The following AK7 variants were observed in gnomAD, a reference collection of about 807,000 sequenced individuals.
The protein encoded by AK7 is adenylate kinase 7.
Under a neutral mutation model 96.6 loss-of-function variants are expected in AK7, and 78 were observed. That is an observed-to-expected ratio of 0.81 (90% CI 0.67 to 0.97). The LOEUF is 0.97. Ranked by LOEUF, AK7 falls within the 50% of genes least tolerant of loss-of-function variation. The pLI is 0.00. For missense variants in AK7, 855 were observed against 887.9 expected, an observed-to-expected ratio of 0.96 and a Z score of 0.47; for synonymous variants, 302 against 317.2, an observed-to-expected ratio of 0.95 and a Z score of 0.51.
rs780609457 is a variant in AK7 at position 96,446,489 on chromosome 14, G to C, written c.780-28G>C. On this transcript the variant is annotated intron_variant, in intron 7 of 17. Coordinates refer to ENST00000267584, the MANE Select transcript of AK7 (RefSeq NM_152327.5). ...TGCATCTCTTTCGCTTTTTCCCTTT[G>C]ATGATTATTTTACCTGTGGGTCTGC... 16 of 1,600,226 alleles carry C rather than the reference G, an allele frequency of 1.0e-5. No homozygotes were observed. In the African/African-American group the frequency reaches 1.1e-4, roughly 11 times the overall value.
At chr14:96,400,391 G>T (rs930647307) in intron 2 of AK7, among the ~76,000 whole-genome samples, 1 of 152,134 alleles carries the variant, frequency 6.6e-6, no homozygotes, top group African/African-American at 2.4e-5. Context: ...TAAAGACCTT[G>T]CTATCTCTAT....
intron 4 of AK7, among the ~76,000 whole-genome samples, chr14:96,413,505 G>C (rs1303440558): frequency 6.6e-6 from 1 of 152,140 alleles, no homozygotes; most frequent in Non-Finnish European, 1.5e-5. Context: ...AAGCCACTGC[G>C]CCTGCCGGGC....
chr14:96,467,461 G>A (rs576316903), intron 12 of AK7, among the ~76,000 whole-genome samples: 2 of 151,876 alleles, frequency 1.3e-5, no homozygotes, highest in South Asian at 2.1e-4. Context: ...TCAGCCTCCC[G>A]AGTCGCTGGG....
At chr14:96,402,855 C>T (rs8008113) in intron 2 of AK7, among the ~76,000 whole-genome samples, 19,659 of 151,680 alleles carry the variant, frequency 0.13, 1,400 homozygotes, top group South Asian at 0.27. Context: ...ATCAGCCAGG[C>T]GCAGTAGCTC....
At chr14:96,481,292 G>C (rs1210524989) in intron 15 of AK7, among the ~76,000 whole-genome samples, 1 of 152,026 alleles carries the variant, frequency 6.6e-6, no homozygotes, top group Non-Finnish European at 1.5e-5. Flanking sequence ...GTGATATCAA[G>C]GTTGTAACTA....
intron 5 of AK7, among the ~76,000 whole-genome samples, chr14:96,426,183 A>T (rs942852769): frequency 1.2e-4 from 19 of 152,204 alleles, no homozygotes; most frequent in African/African-American, 4.6e-4. Context: ...CAACCATTGT[A>T]AGTTTTTTAG....
chr14:96,447,081 G>T (rs4905493), intron 8 of AK7, among the ~76,000 whole-genome samples: 1 of 152,160 alleles, frequency 6.6e-6, no homozygotes. Context: ...TATATACTTT[G>T]AGGTTACTAC....
rs553436917 is a variant in AK7 at position 96,428,978 on chromosome 14, T to C, written c.609+8046T>C. Among the ~76,000 whole-genome samples, 3 of 152,302 alleles carry C rather than the reference T, an allele frequency of 2.0e-5. No individual in the cohort carries two copies. In the East Asian group the frequency reaches 5.8e-4, roughly 29 times the overall value. On this transcript the variant is annotated intron_variant, in intron 5 of 17. Coordinates refer to ENST00000267584, the MANE Select transcript of AK7 (RefSeq NM_152327.5). ...AGCTCTTTAGTTTAGTTAGATCCCATTTGTCTATTTTGGCTTCTGTTGCCA... is the reference window on the plus strand; with the variant it reads ...AGCTCTTTAGTTTAGTTAGATCCCACTTGTCTATTTTGGCTTCTGTTGCCA...
Position 96,398,203 on chromosome 14 carries a change from T to C in AK7, c.234T>C (p.Ile78=). 1.9e-6 allele frequency: 3 copies of C among 1,614,012 alleles called. No individual in the cohort carries two copies. Among genetic ancestry groups the C allele is most frequent in the Non-Finnish European group, 2.5e-6 (3 of 1,180,030 alleles). ...STKVKEGTFQ[I]VGTLSKPDSP... is the part of the protein sequence containing the mutation. Reference sequence around the variant, plus strand: ...AAGTGAAGGAAGGCACATTCCAGATTGTGGGCACGCTGTCCAAGCCTGACA... The same window carrying C: ...AAGTGAAGGAAGGCACATTCCAGATCGTGGGCACGCTGTCCAAGCCTGACA... The change falls in exon 2 of 18, where the codon ATT becomes ATC. Residue 78 remains isoleucine (I), a synonymous_variant. Transcript: ENST00000267584.
chr14:96,398,455 A>C (rs1207719966), intron 2 of AK7, 192 bp downstream of exon 2: 1 of 620,608 alleles, frequency 1.6e-6, no homozygotes, highest in Non-Finnish European at 2.8e-6. Context: ...CGGCCAAAGC[A>C]AAGAGTTTAA....
intron 11 of AK7, chr14:96,456,952 G>T: frequency 9.8e-6 from 2 of 203,614 alleles, no homozygotes; most frequent in South Asian, 2.0e-4. Flanking sequence ...TGTGCCTGTG[G>T]ACACCTTTCA....
At chr14:96,463,546 CG>C (rs1466271409) in intron 12 of AK7, among the ~76,000 whole-genome samples, 1 of 151,680 alleles carries the variant, frequency 6.6e-6, no homozygotes, top group Non-Finnish European at 1.5e-5. Context: ...AGTGAAACCC[CG>C]TCTCTACTAA....
chr14:96,439,283 G>C (rs1892820748), intron 6 of AK7, among the ~76,000 whole-genome samples: 1 of 152,074 alleles, frequency 6.6e-6, no homozygotes, highest in Non-Finnish European at 1.5e-5. Context: ...TCCAATATTG[G>C]AGGTTATAGG....
At chr14:96,449,998 A>G in intron 9 of AK7, 119 bp downstream of exon 9, 1 of 769,248 alleles carries the variant, frequency 1.3e-6, no homozygotes, top group Non-Finnish European at 2.1e-6. Context: ...AGGGATTTGG[A>G]GTCAGAAGGC....
At chr14:96,450,768 C>CTTTTTTT (rs937558741) in intron 9 of AK7, among the ~76,000 whole-genome samples, 8 of 93,176 alleles carry the variant, frequency 8.6e-5, no homozygotes, top group Non-Finnish European at 1.2e-4. Context: ...ATATTTTTCT[C>CTTTTTTT]TTTTTTTTTT....
intron 17 of AK7, 116 bp downstream of exon 17, chr14:96,487,172 A>G (rs1222966298): frequency 9.9e-7 from 1 of 1,014,996 alleles, no homozygotes; most frequent in Admixed American, 2.5e-5. Flanking sequence ...GTCAGGAGTT[A>G]GAGACCACCC....
intron 14 of AK7, among the ~76,000 whole-genome samples, chr14:96,473,028 G>A (rs1208464560): frequency 6.6e-6 from 1 of 152,058 alleles, no homozygotes; most frequent in Non-Finnish European, 1.5e-5. Flanking sequence ...ATTGCAGTGA[G>A]CCGAGATCCT....
intron 10 of AK7, 71 bp from the exon 11 acceptor site, chr14:96,456,276 T>G: frequency 2.0e-6 from 1 of 498,716 alleles, no homozygotes; most frequent in Non-Finnish European, 2.9e-6. Flanking sequence ...TCCCCTGAAA[T>G]AAAAAACCAC....
chr14:96,470,201 G>A (rs909485745), intron 12 of AK7, among the ~76,000 whole-genome samples: 12 of 151,594 alleles, frequency 7.9e-5, no homozygotes, highest in Admixed American at 7.9e-4. Flanking sequence ...TTTACATTAT[G>A]TAAAATGAGG....
Sources: gnomAD v4.1 joint callset for allele counts (sites outside exome capture counted in the v4.1 genomes callset) on GRCh38, gnomAD v4.1.1 for gene constraint, MANE v1.5 for transcripts, NCBI Gene and HGNC (gene_info 2026-07-23, HGNC 2026-07-21) for gene names.